RPS6KC1: variants seen among roughly 807,000 people sequenced by gnomAD.
RPS6KC1 encodes the protein inactive ribosomal protein S6 kinase delta-1.
In RPS6KC1, 54 loss-of-function variants were observed where a neutral mutation model predicts 103.8. The observed-to-expected ratio is 0.52, with a 90% CI of 0.42 to 0.65. The LOEUF is 0.65. RPS6KC1 is among the 30% of genes least tolerant of loss of function. The probability of loss-of-function intolerance (pLI) is 0.00; values close to 1 mark genes in which losing one functional copy is unlikely to be tolerated. For synonymous variants in RPS6KC1, 439 were observed against 438.7 expected (o/e 1.00, Z -0.01); for missense variants, 1,151 against 1,253.8 (o/e 0.92, Z 1.24).
At chr1:213,154,089 T>C (rs1002683451) in intron 6 of RPS6KC1, among the ~76,000 whole-genome samples, 4 of 152,190 alleles carry the variant, frequency 2.6e-5, no homozygotes, top group Non-Finnish European at 5.9e-5. Flanking sequence ...TCTTGTTGTT[T>C]CCTTACTTTC....
At chr1:213,428,442 ATCCCTCCCTCCCTTCCTTCTTTCCTCCC>A in the RPS6KC1 span, among the ~76,000 whole-genome samples, 1 of 19,744 alleles carries the variant, frequency 5.1e-5, no homozygotes, top group African/African-American at 2.1e-4. Context: ...CCCTCCCTCC[ATCCCTCCCTCCCTTCCTTCTTTCCTCCC>A]TCCCTCCCTC....
chr1:213,188,833 GTTT>G (rs35525974), intron 8 of RPS6KC1, among the ~76,000 whole-genome samples: 2 of 146,452 alleles, frequency 1.4e-5, no homozygotes. Context: ...TTTCCGCAAG[GTTT>G]TTTTTTTTTT....
the RPS6KC1 span, among the ~76,000 whole-genome samples, chr1:213,691,930 C>T: frequency 6.6e-5 from 10 of 152,314 alleles, no homozygotes; most frequent in African/African-American, 2.4e-4. Context: ...GAGGCCTGGG[C>T]ATTTGCAGAA....
At chr1:213,305,283 A>G in the RPS6KC1 span, among the ~76,000 whole-genome samples, 1 of 151,956 alleles carries the variant, frequency 6.6e-6, no homozygotes, top group South Asian at 2.1e-4. Flanking sequence ...GGGTTTCACC[A>G]TGTTGGCCAG....
intron 5 of RPS6KC1, among the ~76,000 whole-genome samples, chr1:213,117,815 G>A (rs2083842624): frequency 6.6e-6 from 1 of 151,544 alleles, no homozygotes. Context: ...CTGAGGTCAG[G>A]AGTTTGAGAC....
chr1:213,638,443 C>T, the RPS6KC1 span, among the ~76,000 whole-genome samples: 1 of 151,850 alleles, frequency 6.6e-6, no homozygotes, highest in African/African-American at 2.4e-5. Context: ...TAATTCAGGT[C>T]GTGAAGATTT....
chr1:213,461,287 A>G, the RPS6KC1 span, among the ~76,000 whole-genome samples: 2 of 152,252 alleles, frequency 1.3e-5, no homozygotes, highest in East Asian at 3.8e-4. Context: ...AAGAGAGGAC[A>G]CAAACAAATG....
rs1338311323 is a variant in RPS6KC1 at position 213,241,983 on chromosome 1, A to C, written c.2507A>C (p.Asp836Ala). 1.9e-6 allele frequency: 3 copies of C among 1,613,950 alleles called. No individual in the cohort carries two copies. Among genetic ancestry groups the C allele is most frequent in the Non-Finnish European group, 2.5e-6 (3 of 1,179,966 alleles). ...GCTAATGAATATATTGCAAGCACAG[A>C]CACTTTAAAAACAGAAGAAGTATTG... Reference protein sequence around the residue: ...SGANEYIASTDTLKTEEVLLF... With the variant: ...SGANEYIASTATLKTEEVLLF... The change falls in exon 11 of 15, where the codon GAC becomes GCC. Residue 836 changes from aspartate to alanine, a missense_variant. Coordinates refer to ENST00000366960, the MANE Select transcript of RPS6KC1 (RefSeq NM_012424.6).
the RPS6KC1 span, among the ~76,000 whole-genome samples, chr1:213,432,727 C>T: frequency 1.4e-5 from 2 of 147,930 alleles, no homozygotes; most frequent in East Asian, 4.1e-4. Context: ...ATAAAAGAAT[C>T]ATACAGCATG....
chr1:213,793,306 C>G, the RPS6KC1 span, among the ~76,000 whole-genome samples: 52 of 152,318 alleles, frequency 3.4e-4, no homozygotes, highest in African/African-American at 1.1e-3. Flanking sequence ...TAAACAAACT[C>G]CTCTCAAAGA....
the RPS6KC1 span, among the ~76,000 whole-genome samples, chr1:213,816,202 A>G: frequency 6.6e-6 from 1 of 152,198 alleles, no homozygotes; most frequent in Non-Finnish European, 1.5e-5. Context: ...AAGGTGTGAA[A>G]TATTGGGAGA....
At chr1:213,749,240 G>A in the RPS6KC1 span, among the ~76,000 whole-genome samples, 2 of 152,342 alleles carry the variant, frequency 1.3e-5, no homozygotes, top group East Asian at 3.9e-4. Flanking sequence ...TCATTGATGA[G>A]CATCTGTAAG....
At chr1:213,565,224 T>A in the RPS6KC1 span, among the ~76,000 whole-genome samples, 2 of 141,568 alleles carry the variant, frequency 1.4e-5, no homozygotes, top group South Asian at 4.5e-4. Flanking sequence ...CTTTTATAAA[T>A]GTACACACCT....
the RPS6KC1 span, among the ~76,000 whole-genome samples, chr1:213,543,706 A>G: frequency 6.6e-6 from 1 of 152,234 alleles, no homozygotes; most frequent in Non-Finnish European, 1.5e-5. Context: ...AATTCACCCA[A>G]TAAAGAATTG....
At chr1:213,782,928 G>A in the RPS6KC1 span, among the ~76,000 whole-genome samples, 3 of 152,164 alleles carry the variant, frequency 2.0e-5, no homozygotes, top group South Asian at 2.1e-4. Flanking sequence ...TGAACTCCAA[G>A]TTGCCCCCAG....
chr1:213,507,405 T>C, the RPS6KC1 span, among the ~76,000 whole-genome samples: 14 of 152,082 alleles, frequency 9.2e-5, no homozygotes, highest in Admixed American at 2.0e-4. Context: ...TTGACCTGGG[T>C]AGAGGTAAAA....
chr1:213,280,679 G>T, the RPS6KC1 span, among the ~76,000 whole-genome samples: 22 of 152,174 alleles, frequency 1.4e-4, no homozygotes, highest in African/African-American at 5.3e-4. Context: ...AAGTGTGTAT[G>T]TGTGGGGTGA....
chr1:213,213,883 C>T (rs1250798143), intron 8 of RPS6KC1, among the ~76,000 whole-genome samples: 2 of 152,106 alleles, frequency 1.3e-5, no homozygotes, highest in African/African-American at 2.4e-5. Context: ...TTTAAAAAAC[C>T]ATCATACTGG....
At chr1:213,363,686 CTT>C in the RPS6KC1 span, among the ~76,000 whole-genome samples, 29 of 102,932 alleles carry the variant, frequency 2.8e-4, 1 homozygote, top group Middle Eastern at 4.5e-3. Flanking sequence ...TTCTTTCTTT[CTT>C]TCTTTCTTTC....
Sources: allele counts gnomAD v4.1 joint callset (sites outside exome capture counted in the v4.1 genomes callset), GRCh38; gene constraint gnomAD v4.1.1; transcripts MANE v1.5; gene names NCBI Gene and HGNC (gene_info 2026-07-23, HGNC 2026-07-21).